Variants in LRRC7 observed in about 807,000 individuals in gnomAD.
LRRC7 encodes the protein leucine-rich repeat-containing protein 7.
LRRC7 carries 23 observed loss-of-function variants against 175.7 expected under a neutral mutation model. The observed-to-expected ratio is 0.13, with a 90% CI of 0.09 to 0.19. The LOEUF is 0.19. Among genes scored for constraint, LRRC7 ranks in the 10% least tolerant of loss-of-function variants. The pLI is 1.00. For missense variants in LRRC7, 1,354 were observed against 1,904.7 expected (o/e 0.71, Z 5.38); for synonymous variants, 685 against 680.9 (o/e 1.01, Z -0.09).
chr1:70,020,867 CTCTT>C (rs1375674767), intron 15 of LRRC7, 134 bp from the exon 16 acceptor site: 7 of 594,108 alleles, frequency 1.2e-5, no homozygotes, highest in East Asian at 3.9e-5. Flanking sequence ...TTCCTTCTTT[CTCTT>C]TCTTTTTTTC....
intron 7 of LRRC7, among the ~76,000 whole-genome samples, chr1:69,890,321 G>A (rs534755528): frequency 5.9e-5 from 9 of 152,270 alleles, no homozygotes; most frequent in South Asian, 2.1e-4. Context: ...AAATCTCCTT[G>A]GGAGCTTTTG....
Position 70,036,238 on chromosome 1 carries a change from A to G in LRRC7, c.2107+6A>G. The G allele has an allele frequency of 1.9e-6, 3 of 1,603,328 alleles. No homozygotes were observed. The highest frequency in any genetic ancestry group is 1.7e-6 in the Non-Finnish European group (2 of 1,173,898). On this transcript the variant is annotated splice_donor_region_variant and intron_variant, in intron 19 of 26. Transcript: ENST00000651989. ...GCTAGGGAAGGACAAAAAAGGTAAC[A>G]CTGTGAACCCAATGTGGAAAATATG...
chr1:69,679,120 T>C (rs955626774), intron 2 of LRRC7, among the ~76,000 whole-genome samples: 1 of 152,076 alleles, frequency 6.6e-6, no homozygotes, highest in African/African-American at 2.4e-5. Flanking sequence ...CTGTAGCATG[T>C]AGCAGATTGT....
chr1:69,623,435 GA>G (rs138471943), intron 1 of LRRC7, among the ~76,000 whole-genome samples: 28 of 143,246 alleles, frequency 2.0e-4, no homozygotes, highest in African/African-American at 5.4e-4. Context: ...CTGCTATGAG[GA>G]AAAAAAAAAC....
At chr1:69,607,381 A>G (rs921154666) in intron 1 of LRRC7, 1 of 152,126 alleles carries the variant, frequency 6.6e-6, no homozygotes, top group Admixed American at 6.6e-5. Flanking sequence ...GTGATATAAC[A>G]CAAAATTAAA....
chr1:69,668,991 T>C (rs931335133), intron 1 of LRRC7, among the ~76,000 whole-genome samples: 5 of 152,124 alleles, frequency 3.3e-5, no homozygotes, highest in African/African-American at 1.2e-4. Flanking sequence ...TTTGATAGGG[T>C]TGTTTGTTGT....
At position 70,142,452 on chromosome 1, in the gene LRRC7, A is replaced by G. The variant is rs553904640; in HGVS notation, c.*20565A>G. ...TTCTGTTTGAAATGAAGAGAAAGGT[A>G]ATTGACAGATAAACAGATAGTTTTT... On this transcript the variant is annotated 3_prime_UTR_variant, in exon 27 of 27. Coordinates refer to ENST00000651989, the MANE Select transcript of LRRC7 (RefSeq NM_001370785.2). 1 of 152,250 alleles carries G rather than the reference A, an allele frequency of 6.6e-6. No homozygotes were observed. Among genetic ancestry groups the G allele is most frequent in the Admixed American group, 6.5e-5 (1 of 15,290 alleles). 9.4% of individuals were successfully genotyped at this position (152,250 alleles called of 1,614,324 possible).
chr1:69,781,814 G>A (rs1357724275), intron 3 of LRRC7, among the ~76,000 whole-genome samples: 2 of 91,894 alleles, frequency 2.2e-5, no homozygotes, highest in Admixed American at 1.1e-4. Context: ...AGGAAGGAAG[G>A]AAGGAAGGAA....
intron 1 of LRRC7, among the ~76,000 whole-genome samples, chr1:69,668,564 G>A (rs1295214227): frequency 1.3e-5 from 2 of 152,134 alleles, no homozygotes; most frequent in Non-Finnish European, 2.9e-5. Flanking sequence ...ATTTGGGTTG[G>A]TTCCAAGTCT....
chr1:69,750,093 T>TAAATAAATAATAAATAATA (rs139997047), intron 2 of LRRC7, among the ~76,000 whole-genome samples: 1 of 142,202 alleles, frequency 7.0e-6, no homozygotes, highest in Admixed American at 7.1e-5. Context: ...AATAAATAAA[T>TAAATAAATAATAAATAATA]AATAATAACT....
chr1:69,824,166 A>G (rs571571572), intron 4 of LRRC7, among the ~76,000 whole-genome samples: 10 of 152,268 alleles, frequency 6.6e-5, no homozygotes, highest in African/African-American at 2.2e-4. Flanking sequence ...CCATTTTAAG[A>G]CAGGGACCTG....
At chr1:69,640,307 T>G (rs1654009122) in intron 1 of LRRC7, among the ~76,000 whole-genome samples, 1 of 151,720 alleles carries the variant, frequency 6.6e-6, no homozygotes, top group Admixed American at 6.6e-5. Context: ...AACACACAAT[T>G]AATTCTTGAG....
At chr1:69,611,993 T>C (rs143836569) in intron 1 of LRRC7, among the ~76,000 whole-genome samples, 46 of 152,176 alleles carry the variant, frequency 3.0e-4, no homozygotes, top group Admixed American at 8.5e-4. Context: ...TTCTTGCCAG[T>C]AGGAAGCTAC....
chr1:69,801,537 T>C (rs1310435390), intron 4 of LRRC7, among the ~76,000 whole-genome samples: 1 of 151,826 alleles, frequency 6.6e-6, no homozygotes, highest in East Asian at 1.9e-4. Context: ...TTATCTTTTG[T>C]ATTTCCGTGG....
At chr1:69,793,170 C>T (rs1675318420) in intron 4 of LRRC7, among the ~76,000 whole-genome samples, 1 of 151,990 alleles carries the variant, frequency 6.6e-6, no homozygotes, top group African/African-American at 2.4e-5. Flanking sequence ...AAGTGGGTTG[C>T]CCATTAAACA....
chr1:69,994,465 A>T, intron 10 of LRRC7, 96 bp from the exon 11 acceptor site: 1 of 874,466 alleles, frequency 1.1e-6, no homozygotes. Flanking sequence ...TAGCATGCCA[A>T]GCATTCAACA....
intron 1 of LRRC7, 102 bp downstream of exon 1, chr1:69,568,743 CG>C (rs1645604214): frequency 3.3e-6 from 1 of 303,542 alleles, no homozygotes; most frequent in Non-Finnish European, 5.7e-6. Flanking sequence ...CGGCCGGGGG[CG>C]GGGGTGGCAG....
intron 1 of LRRC7, among the ~76,000 whole-genome samples, chr1:69,649,273 A>G (rs1019963506): frequency 2.6e-5 from 4 of 152,202 alleles, no homozygotes; most frequent in South Asian, 4.1e-4. Context: ...AGTACCTACA[A>G]TAGTGCCTAG....
chr1:69,647,263 T>C (rs1655136097), intron 1 of LRRC7, among the ~76,000 whole-genome samples: 1 of 152,164 alleles, frequency 6.6e-6, no homozygotes, highest in Non-Finnish European at 1.5e-5. Context: ...GCATTTGAAT[T>C]CTACTTTCCT....
Sources: gnomAD v4.1 joint callset for allele counts (sites outside exome capture counted in the v4.1 genomes callset) on GRCh38, gnomAD v4.1.1 for gene constraint, MANE v1.5 for transcripts, NCBI Gene and HGNC (gene_info 2026-07-23, HGNC 2026-07-21) for gene names.